Variants in PTGR3 observed in about 807,000 individuals in gnomAD.
PTGR3 encodes the protein zinc binding alcohol dehydrogenase domain containing 2.
the PTGR3 span, among the ~76,000 whole-genome samples, chr18:75,207,893 T>C: frequency 2.6e-5 from 4 of 152,334 alleles, no homozygotes; most frequent in East Asian, 5.8e-4. Flanking sequence ...ATTATTCAAC[T>C]TGACACATGC....
the PTGR3 span, chr18:75,197,252 T>A: frequency 6.6e-6 from 1 of 152,226 alleles, no homozygotes; most frequent in Non-Finnish European, 1.5e-5. Context: ...TGTACATTTT[T>A]AAATAACTGA....
the PTGR3 span, among the ~76,000 whole-genome samples, chr18:75,207,699 T>C: frequency 2.0e-5 from 3 of 151,884 alleles, no homozygotes; most frequent in East Asian, 5.8e-4. Context: ...TCAGCATTCT[T>C]CCATACTACA....
At chr18:75,196,067 A>G in the PTGR3 span, 2 of 152,126 alleles carry the variant, frequency 1.3e-5, no homozygotes, top group Admixed American at 1.3e-4. Context: ...TTCCTTACCC[A>G]CGTTTCAACA....
chr18:75,195,777 G>A, the PTGR3 span: 16 of 152,226 alleles, frequency 1.1e-4, no homozygotes, highest in African/African-American at 3.4e-4. Flanking sequence ...AGCCAGGCAT[G>A]GTAATGCATA....
At chr18:75,197,459 C>CACCA in the PTGR3 span, 2 of 152,300 alleles carry the variant, frequency 1.3e-5, no homozygotes, top group African/African-American at 4.8e-5. Flanking sequence ...AAAGCGACCA[C>CACCA]ACCAACCATA....
the PTGR3 span, chr18:75,198,967 C>G: frequency 6.6e-6 from 1 of 152,442 alleles, no homozygotes; most frequent in African/African-American, 2.4e-5. Flanking sequence ...GAACTATGAC[C>G]CTCAATTTAC....
At chr18:75,204,865 C>T in the PTGR3 span, among the ~76,000 whole-genome samples, 9 of 152,160 alleles carry the variant, frequency 5.9e-5, no homozygotes, top group African/African-American at 1.9e-4. Context: ...GTCCCGTGCA[C>T]TCGGCGCGCC....
chr18:75,204,002 T>TG, the PTGR3 span, among the ~76,000 whole-genome samples: 52 of 152,180 alleles, frequency 3.4e-4, no homozygotes, highest in South Asian at 6.2e-4. Flanking sequence ...GCTCTGGAAG[T>TG]GGGGGGACAG....
the PTGR3 span, chr18:75,200,982 A>G: frequency 6.4e-6 from 1 of 155,880 alleles, no homozygotes; most frequent in Admixed American, 6.4e-5. Context: ...GGCTTTTGCT[A>G]CACTTGTCAC....
At chr18:75,202,674 A>AG in the PTGR3 span, among the ~76,000 whole-genome samples, 894 of 152,010 alleles carry the variant, frequency 5.9e-3, 10 homozygotes, top group African/African-American at 0.021. Context: ...GCAAAAAAAA[A>AG]AAAAAGAAAA....
the PTGR3 span, chr18:75,208,452 C>G: frequency 2.0e-6 from 2 of 1,004,010 alleles, no homozygotes; most frequent in African/African-American, 1.7e-5. Flanking sequence ...AGGCTGCTCC[C>G]GCTCCACCCT....
the PTGR3 span, chr18:75,196,800 A>T: frequency 6.6e-6 from 1 of 152,154 alleles, no homozygotes; most frequent in South Asian, 2.1e-4. Flanking sequence ...GCAGTGAGTG[A>T]GCACCAATGG....
chr18:75,201,223 T>A, the PTGR3 span: 1 of 576,704 alleles, frequency 1.7e-6, no homozygotes, highest in Non-Finnish European at 3.0e-6. Context: ...GGAAGTTTTA[T>A]TAGCACATTT....
At chr18:75,201,320 A>G in the PTGR3 span, 1 of 1,075,664 alleles carries the variant, frequency 9.3e-7, no homozygotes, top group Non-Finnish European at 1.3e-6. Flanking sequence ...AAGAAATATT[A>G]TATCCATTAC....
chr18:75,202,739 A>C, the PTGR3 span, among the ~76,000 whole-genome samples: 2 of 152,122 alleles, frequency 1.3e-5, no homozygotes, highest in African/African-American at 4.8e-5. Flanking sequence ...ACTTCACTGG[A>C]GCTGTGAGTT....
the PTGR3 span, chr18:75,198,920 G>C: frequency 6.6e-6 from 1 of 152,614 alleles, no homozygotes; most frequent in Non-Finnish European, 1.5e-5. Flanking sequence ...TTAGAGGCTG[G>C]TCTTGAACAA....
chr18:75,197,976 C>G, the PTGR3 span: 1 of 152,126 alleles, frequency 6.6e-6, no homozygotes, highest in South Asian at 2.1e-4. Context: ...AGTATTTATC[C>G]CATATGTCCA....
the PTGR3 span, chr18:75,201,439 G>A: frequency 1.2e-5 from 19 of 1,612,270 alleles, no homozygotes; most frequent in Non-Finnish European, 1.6e-5. Context: ...TTGACAGAGT[G>A]AGGTAATTCA....
the PTGR3 span, among the ~76,000 whole-genome samples, chr18:75,206,241 T>C: frequency 2.0e-5 from 3 of 152,186 alleles, no homozygotes; most frequent in Non-Finnish European, 4.4e-5. Flanking sequence ...CCTAAATCAA[T>C]GTCTAGCTTA....
Sources: gnomAD v4.1 joint callset for allele counts (sites outside exome capture counted in the v4.1 genomes callset) on GRCh38, gnomAD v4.1.1 for gene constraint, MANE v1.5 for transcripts, NCBI Gene and HGNC (gene_info 2026-07-23, HGNC 2026-07-21) for gene names.